AGAP1: variants seen among roughly 807,000 people sequenced by gnomAD.
The protein encoded by AGAP1 is arf-GAP with GTPase, ANK repeat and PH domain-containing protein 1.
In AGAP1, 29 loss-of-function variants were observed where a neutral mutation model predicts 105.3. The ratio of observed to expected loss-of-function variants is 0.28; its 90% CI spans 0.21 to 0.38. The LOEUF (loss-of-function observed/expected upper bound fraction) is 0.38. Among genes scored for constraint, AGAP1 ranks in the 10% least tolerant of loss-of-function variants. The pLI is 1.00. For missense variants in AGAP1, 998 were observed against 1,165.1 expected, an observed-to-expected ratio of 0.86 and a Z score of 2.09; for synonymous variants, 509 against 485.9, an observed-to-expected ratio of 1.05 and a Z score of -0.63.
In AGAP1 at chr2:236,012,669, A is replaced by G. The variant is rs2056556121; in HGVS notation, c.1646-23892A>G. ...AGATAGTGAAGAAACCTGAAGGTAT[A>G]GACATAAAGAAGTCTTCACTTGTGA... On this transcript the variant is annotated intron_variant, in intron 13 of 17. Coordinates refer to ENST00000304032, the MANE Select transcript of AGAP1 (RefSeq NM_001037131.3). The surrounding 1 kb of genome is among the most constrained non-coding windows in gnomAD (Gnocchi z 4.9). Among the ~76,000 whole-genome samples the G allele has an allele frequency of 6.6e-6, 1 of 152,220 alleles. No individual in the cohort carries two copies. Among genetic ancestry groups the G allele is most frequent in the African/African-American group, 2.4e-5 (1 of 41,456 alleles).
chr2:235,573,483 T>C (rs998805942), intron 1 of AGAP1, among the ~76,000 whole-genome samples: 3 of 152,208 alleles, frequency 2.0e-5, no homozygotes, highest in Non-Finnish European at 4.4e-5. Flanking sequence ...TTAATTTTCA[T>C]AGGAAAAAGT....
chr2:236,037,044 A>C (rs906774625), intron 14 of AGAP1, among the ~76,000 whole-genome samples: 5 of 152,176 alleles, frequency 3.3e-5, no homozygotes, highest in Admixed American at 6.5e-5. Flanking sequence ...ATACACTCAG[A>C]AAAAAAGAGA....
intron 11 of AGAP1, among the ~76,000 whole-genome samples, chr2:235,929,235 T>A (rs1409197727): frequency 6.6e-6 from 1 of 152,168 alleles, no homozygotes; most frequent in African/African-American, 2.4e-5. Context: ...GGAGTGGTTT[T>A]TTTAATTAAT....
In AGAP1 at chr2:236,130,944, A is replaced by G. The variant is rs1246013673; in HGVS notation, c.*6822A>G. The G allele has an allele frequency of 1.3e-5, 2 of 152,228 alleles. No individual in the cohort carries two copies. The highest frequency in any genetic ancestry group is 2.4e-5 in the African/African-American group (1 of 41,428). 9.4% of individuals were successfully genotyped at this position (152,228 alleles called of 1,614,324 possible). A position where few individuals can be genotyped will look rare whatever the true frequency, so the allele number is the denominator to read the frequency against. On this transcript the variant is annotated 3_prime_UTR_variant, in exon 18 of 18. Coordinates refer to ENST00000304032, the MANE Select transcript of AGAP1 (RefSeq NM_001037131.3). This position sits in a 1 kb window ranked among gnomAD's most constrained non-coding sequence, Gnocchi z 5.8. ...CAAGGGTCCCAGCAGGGCTCTCAGC[A>G]TGGCTGTTTTGAGGGTACACAGGTG...
Position 235,843,897 on chromosome 2 carries a change from T to C in AGAP1, c.1050+36566T>C, listed in dbSNP as rs575790302. Reference sequence around the variant, plus strand: ...AGGCAGCCTCCTGGGCCGCCAGTGGTGTGGAGCTGGCCGAGAAAGGAGCCT... The same window carrying C: ...AGGCAGCCTCCTGGGCCGCCAGTGGCGTGGAGCTGGCCGAGAAAGGAGCCT... On this transcript the variant is annotated intron_variant, in intron 9 of 17. Transcript: ENST00000304032. This position sits in a 1 kb window ranked among gnomAD's most constrained non-coding sequence, Gnocchi z 5.9. Among the ~76,000 whole-genome samples the C allele has an allele frequency of 6.6e-6, 1 of 152,310 alleles. No homozygotes were observed. Among genetic ancestry groups the C allele is most frequent in the South Asian group, 2.1e-4 (1 of 4,824 alleles).
In AGAP1 at chr2:235,635,716, C is replaced by T. The variant is rs373923492; in HGVS notation, c.164-73463C>T. Among the ~76,000 whole-genome samples the T allele has an allele frequency of 8.5e-5, 13 of 152,096 alleles. No homozygotes were observed. In the East Asian group the frequency reaches 1.5e-3, roughly 18 times the overall value. ...CTGTGCTATGAGGAGCCACGTTGCC[C>T]GGAAGTCTGATGCGTGAGGCGGGAA... On this transcript the variant is annotated intron_variant, in intron 1 of 17. Transcript: ENST00000304032. This position sits in a 1 kb window ranked among gnomAD's most constrained non-coding sequence, Gnocchi z 5.3.
At chr2:235,968,721 T>G in intron 13 of AGAP1, 98 bp downstream of exon 13, 1 of 1,229,306 alleles carries the variant, frequency 8.1e-7, no homozygotes, top group Non-Finnish European at 1.1e-6. Context: ...GCACAACAAA[T>G]GCACAGTAAT....
Position 235,961,592 on chromosome 2 carries a change from C to T in AGAP1, c.1484-6870C>T, listed in dbSNP as rs909627964. Among the ~76,000 whole-genome samples the T allele has an allele frequency of 7.9e-5, 12 of 152,096 alleles. No homozygotes were observed. The highest frequency in any genetic ancestry group is 2.9e-4 in the African/African-American group (12 of 41,412). On this transcript the variant is annotated intron_variant, in intron 12 of 17. Coordinates refer to ENST00000304032, the MANE Select transcript of AGAP1 (RefSeq NM_001037131.3). This position sits in a 1 kb window ranked among gnomAD's most constrained non-coding sequence, Gnocchi z 5.9. ...AAATGTCCAGGGTGGAGGTGTGCGG[C>T]CAAGGGAGAGTTGTGTTAAAAATGT...
At chr2:235,853,051 G>A (rs1273678952) in intron 9 of AGAP1, 17 of 1,239,194 alleles carry the variant, frequency 1.4e-5, no homozygotes, top group Middle Eastern at 3.1e-4. Flanking sequence ...TTTCTATAGC[G>A]GGCAATTCAG....
chr2:235,707,016 G>A (rs911835817), intron 1 of AGAP1, among the ~76,000 whole-genome samples: 4 of 152,220 alleles, frequency 2.6e-5, no homozygotes, highest in Non-Finnish European at 5.9e-5. Context: ...TGCGTTCCTC[G>A]CATCATCTGT....
rs377301722 is a variant in AGAP1, at chr2:235,747,477, C to T, written c.538+2638C>T. On this transcript the variant is annotated intron_variant, in intron 5 of 17. Transcript: ENST00000304032. This position sits in a 1 kb window ranked among gnomAD's most constrained non-coding sequence, Gnocchi z 5.0. ...CAGGTAAGCTGGCCCCACGCCCTCC[C>T]GGGGTGAGCAGGTAAGCGGGCCCCA... Among the ~76,000 whole-genome samples the T allele has an allele frequency of 1.4e-4, 22 of 152,022 alleles. No individual in the cohort carries two copies. In the East Asian group the frequency reaches 4.3e-3, roughly 30 times the overall value.
rs142565438 is a variant in AGAP1, at chr2:235,830,673, C to T, written c.1050+23342C>T. Among the ~76,000 whole-genome samples, 121 of 152,228 alleles carry T rather than the reference C, an allele frequency of 7.9e-4. 1 individual carries two copies. The East Asian group carries it at 8.5e-3, about 11-fold the overall frequency. On this transcript the variant is annotated intron_variant, in intron 9 of 17. Transcript: ENST00000304032. The surrounding 1 kb of genome is among the most constrained non-coding windows in gnomAD (Gnocchi z 5.5). ...GGGTTGCACCTTGAGGTTTCTAGGC[C>T]AGCCCAGGACGGTGTGCGGCCCCAA... is the stretch of plus-strand genomic sequence containing the variant.
In AGAP1 at chr2:236,042,703, G is replaced by T. The variant is rs1415070189; in HGVS notation, c.1891+1862G>T. Among the ~76,000 whole-genome samples, 4 of 152,148 alleles carry T rather than the reference G, an allele frequency of 2.6e-5. No individual in the cohort carries two copies. Among genetic ancestry groups the T allele is most frequent in the Non-Finnish European group, 5.9e-5 (4 of 68,042 alleles). On this transcript the variant is annotated intron_variant, in intron 15 of 17. Transcript: ENST00000304032. This position sits in a 1 kb window ranked among gnomAD's most constrained non-coding sequence, Gnocchi z 5.6. ...GTCTGAGATGAGCTTGTGCATGTGA[G>T]TGCGGATGGGGGGTGGGAAAGGGAG...
In AGAP1 at chr2:236,084,605, C is replaced by A. The variant is rs578230849; in HGVS notation, c.2114+35324C>A. ...GTCATTCTATTCACAACTCAAATAT[C>A]AATTTTAAGAATTTTTGCCGGGCAC... On this transcript the variant is annotated intron_variant, in intron 16 of 17. Transcript: ENST00000304032. 5.9e-5 allele frequency among the ~76,000 whole-genome samples: 9 copies of A among 152,280 alleles called. No individual in the cohort carries two copies. The East Asian group carries it at 1.7e-3, about 29-fold the overall frequency.
At chr2:235,996,983 G>T (rs2055843972) in intron 13 of AGAP1, among the ~76,000 whole-genome samples, 1 of 152,178 alleles carries the variant, frequency 6.6e-6, no homozygotes, top group South Asian at 2.1e-4. Flanking sequence ...GTATCATTGA[G>T]ACCTATTTAA....
intron 6 of AGAP1, among the ~76,000 whole-genome samples, chr2:235,782,267 T>C (rs1162433521): frequency 6.6e-6 from 1 of 152,284 alleles, no homozygotes; most frequent in African/African-American, 2.4e-5. Flanking sequence ...TTTTTTTTTT[T>C]TGTATTTTTT....
At chr2:235,571,601 G>C (rs906998796) in intron 1 of AGAP1, among the ~76,000 whole-genome samples, 2 of 152,082 alleles carry the variant, frequency 1.3e-5, no homozygotes, top group African/African-American at 4.8e-5. Flanking sequence ...CCATTTCCTT[G>C]GTTCTTTTCC....
At position 235,904,412 on chromosome 2, in the gene AGAP1, T is replaced by G. The variant is rs929859907; in HGVS notation, c.1156-4326T>G. Reference sequence around the variant, plus strand: ...ATGCAAATAGGTTTGCAATTACTACTTTTTCAAGCTGTTGAGGGGCAGGAG... The same window carrying G: ...ATGCAAATAGGTTTGCAATTACTACGTTTTCAAGCTGTTGAGGGGCAGGAG... On this transcript the variant is annotated intron_variant, in intron 10 of 17. Coordinates refer to ENST00000304032, the MANE Select transcript of AGAP1 (RefSeq NM_001037131.3). The surrounding 1 kb of genome is among the most constrained non-coding windows in gnomAD (Gnocchi z 4.2). Among the ~76,000 whole-genome samples, 1 of 152,126 alleles carries G rather than the reference T, an allele frequency of 6.6e-6. No homozygotes were observed. Among genetic ancestry groups the G allele is most frequent in the African/African-American group, 2.4e-5 (1 of 41,418 alleles).
rs773297452 is a variant in AGAP1, at chr2:235,843,663, A to G, written c.1050+36332A>G. On this transcript the variant is annotated intron_variant, in intron 9 of 17. Coordinates refer to ENST00000304032, the MANE Select transcript of AGAP1 (RefSeq NM_001037131.3). The surrounding 1 kb of genome is among the most constrained non-coding windows in gnomAD (Gnocchi z 5.9). Reference sequence around the variant, plus strand: ...GGCTCCCCTCCGCCCTGCATCTGAGATCTCTGTTTTAAGGCCAGCTCTCCC... The same window carrying G: ...GGCTCCCCTCCGCCCTGCATCTGAGGTCTCTGTTTTAAGGCCAGCTCTCCC... Among the ~76,000 whole-genome samples, 1 of 151,658 alleles carries G rather than the reference A, an allele frequency of 6.6e-6. No homozygotes were observed. Among genetic ancestry groups the G allele is most frequent in the Non-Finnish European group, 1.5e-5 (1 of 67,958 alleles).
Sources: allele counts gnomAD v4.1 joint callset (sites outside exome capture counted in the v4.1 genomes callset), GRCh38; gene constraint gnomAD v4.1.1; non-coding constraint Gnocchi (gnomAD v3.1); transcripts MANE v1.5; gene names NCBI Gene and HGNC (gene_info 2026-07-23, HGNC 2026-07-21).